ADAMTS20: variants seen among roughly 807,000 people sequenced by gnomAD.
ADAMTS20 encodes A disintegrin and metalloproteinase with thrombospondin motifs 20.
A neutral mutation model predicts 260.1 loss-of-function variants in ADAMTS20; 225 were observed. The observed-to-expected ratio is 0.87, with a 90% CI of 0.78 to 0.97. The LOEUF (loss-of-function observed/expected upper bound fraction) is 0.97. ADAMTS20 is among the 50% of genes least tolerant of loss of function. ADAMTS20 has a pLI of 0.00. For missense variants in ADAMTS20, 2,400 were observed against 2,337.7 expected, an observed-to-expected ratio of 1.03 and a Z score of -0.55; for synonymous variants, 802 against 769.5, an observed-to-expected ratio of 1.04 and a Z score of -0.70.
chr12:43,449,422 T>A (rs1941823188), intron 14 of ADAMTS20, among the ~76,000 whole-genome samples: 1 of 151,970 alleles, frequency 6.6e-6, no homozygotes, highest in South Asian at 2.1e-4. Flanking sequence ...CTTGTAAGTG[T>A]GAGCTAAATG....
chr12:43,353,829 C>G (rs1435565547), downstream of ADAMTS20: 1 of 153,966 alleles, frequency 6.5e-6, no homozygotes, highest in Non-Finnish European at 1.4e-5. Context: ...GTAGAATAAA[C>G]ATTTCATTGT....
chr12:43,459,562 C>G (rs934830346), intron 11 of ADAMTS20, among the ~76,000 whole-genome samples: 1 of 152,132 alleles, frequency 6.6e-6, no homozygotes, highest in African/African-American at 2.4e-5. Context: ...GAGCAAGGAC[C>G]CCCTGGTAAT....
intron 2 of ADAMTS20, among the ~76,000 whole-genome samples, chr12:43,540,356 T>C (rs1315885868): frequency 6.6e-6 from 1 of 152,218 alleles, no homozygotes. Context: ...TTAAAAAATG[T>C]TGTCTTTATA....
At chr12:43,536,331 C>T (rs1432348176) in intron 2 of ADAMTS20, among the ~76,000 whole-genome samples, 1 of 152,092 alleles carries the variant, frequency 6.6e-6, no homozygotes, top group African/African-American at 2.4e-5. Context: ...TTTTGATAAA[C>T]TCTATGAACT....
chr12:43,362,436 G>T (rs1297302830), intron 37 of ADAMTS20, among the ~76,000 whole-genome samples: 1 of 152,114 alleles, frequency 6.6e-6, no homozygotes, highest in Non-Finnish European at 1.5e-5. Flanking sequence ...TTGGGAAGAA[G>T]AATGGAAATA....
intron 3 of ADAMTS20, among the ~76,000 whole-genome samples, chr12:43,505,906 A>G (rs530739590): frequency 6.6e-6 from 1 of 152,354 alleles, no homozygotes; most frequent in Non-Finnish European, 1.5e-5. Flanking sequence ...ATGTCCATTG[A>G]CAAAGGAATG....
intron 3 of ADAMTS20, among the ~76,000 whole-genome samples, chr12:43,518,346 A>G (rs746196209): frequency 6.6e-6 from 1 of 152,114 alleles, no homozygotes; most frequent in Non-Finnish European, 1.5e-5. Context: ...TCTTGATACC[A>G]TTTAGCCAAC....
chr12:43,382,544 C>T (rs1340540259), intron 31 of ADAMTS20, among the ~76,000 whole-genome samples: 1 of 151,788 alleles, frequency 6.6e-6, no homozygotes. Context: ...GATAAAAAGG[C>T]CTGGGATTAG....
chr12:43,416,562 C>T (rs1296988890), intron 28 of ADAMTS20, among the ~76,000 whole-genome samples: 7 of 141,536 alleles, frequency 4.9e-5, no homozygotes, highest in Admixed American at 7.5e-5. Context: ...CTCACTCTGT[C>T]GCCCAGGCTG....
At chr12:43,406,726 T>G (rs1186299000) in intron 28 of ADAMTS20, among the ~76,000 whole-genome samples, 1 of 152,054 alleles carries the variant, frequency 6.6e-6, no homozygotes, top group East Asian at 1.9e-4. Context: ...TACAGTAAAA[T>G]CTTAGATATG....
At chr12:43,427,532 T>TAAA in intron 26 of ADAMTS20, 63 bp from the exon 27 acceptor site, 6 of 1,197,018 alleles carry the variant, frequency 5.0e-6, no homozygotes, top group Non-Finnish European at 6.6e-6. Flanking sequence ...ATTTACATGG[T>TAAA]AAAAAAAAAA....
chr12:43,503,289 G>A (rs962980952), intron 3 of ADAMTS20, among the ~76,000 whole-genome samples: 2 of 151,912 alleles, frequency 1.3e-5, no homozygotes, highest in Admixed American at 6.6e-5. Context: ...ATAGAAAAGC[G>A]GACCAAAGGA....
At chr12:43,393,734 T>C (rs145984848) in intron 29 of ADAMTS20, among the ~76,000 whole-genome samples, 18 of 152,170 alleles carry the variant, frequency 1.2e-4, no homozygotes, top group African/African-American at 4.3e-4. Flanking sequence ...ATCAATAATA[T>C]AGTAGTACCA....
At chr12:43,426,022 AATTT>A (rs1386142261) in intron 27 of ADAMTS20, among the ~76,000 whole-genome samples, 8 of 152,178 alleles carry the variant, frequency 5.3e-5, no homozygotes, top group African/African-American at 1.7e-4. Context: ...CCAGAATCAA[AATTT>A]ATTTATCTAA....
Position 43,466,775 on chromosome 12 carries a change from T to A in ADAMTS20, c.1244A>T (p.Asp415Val). Residue 415 changes from aspartate to valine, a missense_variant, in exon 9 of 39, where the codon GAT (aspartate) becomes GTT (valine). By Grantham distance (152) the Asp-to-Val change is radical. Transcript: ENST00000389420. Reference protein sequence around the residue: ...LGHTLGVQHDDNPRCKEMKVT... With the variant: ...LGHTLGVQHDVNPRCKEMKVT... ...TTTCATTTCTTTACATCTAGGATTATCATCATGTTGAACACCAAGTCTAAA... is the reference window on the plus strand; with the variant it reads ...TTTCATTTCTTTACATCTAGGATTAACATCATGTTGAACACCAAGTCTAAA... 2.5e-6 allele frequency: 4 copies of A among 1,601,952 alleles called. No homozygotes were observed. In the South Asian group the frequency reaches 4.5e-5, roughly 18 times the overall value.
intron 3 of ADAMTS20, among the ~76,000 whole-genome samples, chr12:43,514,693 G>A (rs1032001955): frequency 6.6e-6 from 1 of 150,702 alleles, no homozygotes; most frequent in African/African-American, 2.4e-5. Context: ...GATTTAGATG[G>A]ATTATTATAT....
In ADAMTS20 at chr12:43,408,244, G is replaced by A. The variant is rs574674896; in HGVS notation, c.4285-9011C>T. 1.3e-4 allele frequency among the ~76,000 whole-genome samples: 20 copies of A among 152,236 alleles called. No individual in the cohort carries two copies. In the South Asian group the frequency reaches 4.1e-3, roughly 32 times the overall value. On this transcript the variant is annotated intron_variant, in intron 28 of 38. Transcript: ENST00000389420. ...AACTCCACTCCCATCTTACCCCTGA[G>A]AGCCTACACCCAGAAGCATGACCGT...
chr12:43,359,618 C>T (rs189009633), intron 37 of ADAMTS20, among the ~76,000 whole-genome samples: 194 of 152,208 alleles, frequency 1.3e-3, no homozygotes, highest in African/African-American at 4.5e-3. Context: ...CTATCCTAAT[C>T]AAGACGTATG....
intron 7 of ADAMTS20, among the ~76,000 whole-genome samples, chr12:43,471,019 C>G (rs544482409): frequency 6.6e-6 from 1 of 152,306 alleles, no homozygotes; most frequent in South Asian, 2.1e-4. Context: ...CGGTCTACAG[C>G]TCCCAGCGTG....
Sources: allele counts gnomAD v4.1 joint callset (sites outside exome capture counted in the v4.1 genomes callset), GRCh38; gene constraint gnomAD v4.1.1; transcripts MANE v1.5; gene names NCBI Gene and HGNC (gene_info 2026-07-23, HGNC 2026-07-21).